The following TMPRSS15 variants were observed in gnomAD, a reference collection of about 807,000 sequenced individuals.
TMPRSS15 encodes the protein enteropeptidase.
Under a neutral mutation model 125.3 loss-of-function variants are expected in TMPRSS15, and 128 were observed. That is an observed-to-expected ratio of 1.02 (90% confidence interval 0.89 to 1.18). The LOEUF is 1.18. Among genes scored for constraint, TMPRSS15 ranks in the 50% most tolerant of loss-of-function variants. The pLI, the probability that TMPRSS15 is intolerant of heterozygous loss-of-function variation, is 0.00. For synonymous variants in TMPRSS15, 446 were observed against 423.2 expected, an observed-to-expected ratio of 1.05 and a Z score of -0.66; for missense variants, 1,283 against 1,212.7, an observed-to-expected ratio of 1.06 and a Z score of -0.86.
chr21:18,279,471 G>A (rs546675182), intron 22 of TMPRSS15, among the ~76,000 whole-genome samples: 27 of 150,100 alleles, frequency 1.8e-4, no homozygotes, highest in East Asian at 5.9e-4. Flanking sequence ...GACTACAGGC[G>A]CCCGCCACCA....
chr21:18,375,796 A>G (rs10084570), intron 5 of TMPRSS15, among the ~76,000 whole-genome samples: 184 of 152,322 alleles, frequency 1.2e-3, no homozygotes, highest in Middle Eastern at 3.4e-3. Flanking sequence ...GAGTGATCCA[A>G]TGTCCAAAAA....
chr21:18,384,730 A>G (rs2075926844), intron 3 of TMPRSS15, among the ~76,000 whole-genome samples: 1 of 152,146 alleles, frequency 6.6e-6, no homozygotes, highest in Non-Finnish European at 1.5e-5. Flanking sequence ...GCTGCTTAAG[A>G]CACAGACTAG....
At chr21:18,348,302 A>G (rs4322926) in intron 10 of TMPRSS15, among the ~76,000 whole-genome samples, 135,638 of 152,132 alleles carry the variant, frequency 0.89, 62,581 homozygotes, top group East Asian at 1. Flanking sequence ...TTTCCTGCTT[A>G]TCTCTTCATG....
chr21:18,388,764 A>G (rs1423672403), intron 3 of TMPRSS15, among the ~76,000 whole-genome samples: 1 of 152,214 alleles, frequency 6.6e-6, no homozygotes, highest in Non-Finnish European at 1.5e-5. Context: ...AAAGTGAACC[A>G]ACAAAAAATA....
chr21:18,438,782 C>A (rs1269439445), intron 1 of TMPRSS15, among the ~76,000 whole-genome samples: 1 of 152,112 alleles, frequency 6.6e-6, no homozygotes, highest in African/African-American at 2.4e-5. Context: ...CTTGTATGTA[C>A]TTATTTATTG....
intron 18 of TMPRSS15, 144 bp downstream of exon 18, chr21:18,312,801 C>A (rs2075115082): frequency 9.2e-7 from 1 of 1,087,402 alleles, no homozygotes; most frequent in Admixed American, 2.4e-5. Context: ...TGGGGTTAAT[C>A]AAGATTTTTA....
chr21:18,369,745 A>C (rs1380717339), intron 6 of TMPRSS15, among the ~76,000 whole-genome samples: 1 of 152,112 alleles, frequency 6.6e-6, no homozygotes, highest in Non-Finnish European at 1.5e-5. Context: ...ATTGATGGAC[A>C]GTGGCTTTCA....
At chr21:18,363,737 T>G (rs2075699331) in intron 7 of TMPRSS15, among the ~76,000 whole-genome samples, 1 of 152,108 alleles carries the variant, frequency 6.6e-6, no homozygotes, top group South Asian at 2.1e-4. Context: ...TGTTTCTGCA[T>G]CAGAAAAATG....
intron 4 of TMPRSS15, among the ~76,000 whole-genome samples, chr21:18,379,805 A>G (rs1292251209): frequency 3.9e-5 from 6 of 152,088 alleles, no homozygotes; most frequent in Admixed American, 3.9e-4. Context: ...TCAAATAGAA[A>G]AGTATTACGA....
chr21:18,294,188 G>A, intron 21 of TMPRSS15, 82 bp downstream of exon 21: 1 of 1,539,350 alleles, frequency 6.5e-7, no homozygotes. Flanking sequence ...GGATGGTTTT[G>A]TGATGCTGCA....
At chr21:18,435,740 G>A (rs991217722) in intron 1 of TMPRSS15, among the ~76,000 whole-genome samples, 57 of 152,184 alleles carry the variant, frequency 3.7e-4, no homozygotes, top group African/African-American at 1.2e-3. Context: ...GGTAGAATTC[G>A]GCTGTGAATC....
chr21:18,301,769 G>A (rs2074976098), intron 18 of TMPRSS15, among the ~76,000 whole-genome samples: 1 of 152,118 alleles, frequency 6.6e-6, no homozygotes, highest in African/African-American at 2.4e-5. Flanking sequence ...ACATACTAAT[G>A]CCTCCCGGAA....
At chr21:18,370,293 C>G (rs146780351) in intron 6 of TMPRSS15, among the ~76,000 whole-genome samples, 3 of 152,138 alleles carry the variant, frequency 2.0e-5, no homozygotes, top group African/African-American at 7.2e-5. Flanking sequence ...ATTAGTTCAT[C>G]ATGAAAATTA....
rs190415980 is a variant in TMPRSS15 at position 18,381,791 on chromosome 21, T to C, written c.496+1836A>G. ...CATCAGAAACCAATGCACATTCAAATAGAGATAGTAAGATGACAACTTTGG... is the reference window on the plus strand; with the variant it reads ...CATCAGAAACCAATGCACATTCAAACAGAGATAGTAAGATGACAACTTTGG... On this transcript the variant is annotated intron_variant, in intron 4 of 24. Coordinates refer to ENST00000284885, the MANE Select transcript of TMPRSS15 (RefSeq NM_002772.3). Among the ~76,000 whole-genome samples, 6 of 151,984 alleles carry C rather than the reference T, an allele frequency of 3.9e-5. No individual in the cohort carries two copies. The East Asian group carries it at 9.7e-4, about 24-fold the overall frequency.
chr21:18,374,701 T>C (rs913342882), intron 5 of TMPRSS15, among the ~76,000 whole-genome samples: 2 of 152,076 alleles, frequency 1.3e-5, no homozygotes, highest in African/African-American at 2.4e-5. Context: ...CAGTCCATGT[T>C]TCATAAAGGC....
intron 21 of TMPRSS15, among the ~76,000 whole-genome samples, chr21:18,287,349 C>T (rs1717103952): frequency 6.6e-6 from 1 of 152,150 alleles, no homozygotes; most frequent in Non-Finnish European, 1.5e-5. Context: ...CGTATCAATC[C>T]ACATAATTTC....
At position 18,352,896 on chromosome 21, in the gene TMPRSS15, A is replaced by T; in HGVS notation, c.1171+7T>A. ...TCCTTTTGACTTCTGAATTAAATGAATTATACCTGAAGCATTGCCAAAAGT... is the reference window on the plus strand; with the variant it reads ...TCCTTTTGACTTCTGAATTAAATGATTTATACCTGAAGCATTGCCAAAAGT... On this transcript the variant is annotated splice_region_variant and intron_variant, in intron 10 of 24. Transcript: ENST00000284885. 6.2e-7 allele frequency: 1 copy of T among 1,611,828 alleles called. No individual in the cohort carries two copies. The highest frequency in any genetic ancestry group is 8.5e-7 in the Non-Finnish European group (1 of 1,178,424).
chr21:18,332,034 C>A, intron 14 of TMPRSS15, 50 bp downstream of exon 14: 2 of 1,521,014 alleles, frequency 1.3e-6, no homozygotes, highest in Non-Finnish European at 1.8e-6. Flanking sequence ...GGGAGATCTA[C>A]ATTTCATATG....
intron 3 of TMPRSS15, among the ~76,000 whole-genome samples, chr21:18,393,274 G>A (rs1201146113): frequency 6.6e-6 from 1 of 152,036 alleles, no homozygotes; most frequent in Non-Finnish European, 1.5e-5. Flanking sequence ...ACTACAAGCA[G>A]GATCAGTGGA....
Sources: allele counts gnomAD v4.1 joint callset (sites outside exome capture counted in the v4.1 genomes callset), GRCh38; gene constraint gnomAD v4.1.1; transcripts MANE v1.5; gene names NCBI Gene and HGNC (gene_info 2026-07-23, HGNC 2026-07-21).